RELB: variants seen among roughly 807,000 people sequenced by gnomAD.
RELB encodes the protein RELB proto-oncogene, NF-kB subunit.
RELB carries 14 observed loss-of-function variants against 55.4 expected under a neutral mutation model. The ratio of observed to expected loss-of-function variants is 0.25; its 90% CI spans 0.17 to 0.40. The LOEUF (loss-of-function observed/expected upper bound fraction) is 0.40. Ranked by LOEUF, RELB falls within the 10% of genes least tolerant of loss-of-function variation. RELB has a pLI of 1.00. For synonymous variants in RELB, 409 were observed against 371.3 expected (o/e 1.10, Z -1.17); for missense variants, 669 against 830.7 (o/e 0.81, Z 2.39).
intron 9 of RELB, among the ~76,000 whole-genome samples, chr19:45,033,870 A>G (rs1185007859): frequency 1.3e-5 from 2 of 151,252 alleles, no homozygotes; most frequent in Non-Finnish European, 3.0e-5. Context: ...AAAAAAAAAA[A>G]TAGGCCTGGC....
chr19:45,001,575 C>A lies in RELB; in HGVS notation c.-5C>A. 6.9e-7 allele frequency: 1 copy of A among 1,450,640 alleles called. No homozygotes were observed. Among genetic ancestry groups the A allele is most frequent in the Non-Finnish European group, 9.0e-7 (1 of 1,105,370 alleles). 89.9% of individuals were successfully genotyped at this position (1,450,640 alleles called of 1,614,324 possible). On this transcript the variant is annotated 5_prime_UTR_variant, in exon 1 of 12. Transcript: ENST00000221452. ...GCCTCCCGGCCGCCCGGCCGGCCCG[C>A]GTGCATGCTTCGGTCTGGGCCAGCC...
Position 45,025,254 on chromosome 19 carries a change from C to G in RELB, c.663-75C>G, listed in dbSNP as rs1971543394. ...GCCTGAGCCCCACAGCAGCATCTGC[C>G]AGAGCCCTCCTGCAGGTTAGGGCCA... On this transcript the variant is annotated intron_variant, in intron 5 of 11. Transcript: ENST00000221452. 27 of 1,010,672 alleles carry G rather than the reference C, an allele frequency of 2.7e-5. No individual in the cohort carries two copies. In the South Asian group the frequency reaches 3.8e-4, roughly 14 times the overall value. 62.6% of individuals were successfully genotyped at this position (1,010,672 alleles called of 1,614,324 possible). A position where few individuals can be genotyped will look rare whatever the true frequency, so the allele number is the denominator to read the frequency against.
intron 4 of RELB, among the ~76,000 whole-genome samples, chr19:45,021,048 G>A (rs1316610097): frequency 1.3e-5 from 2 of 152,090 alleles, no homozygotes; most frequent in Admixed American, 1.3e-4. Flanking sequence ...GGTAGTGTGC[G>A]CCTGTAGTCC....
chr19:45,033,162 G>A (rs1465727857), intron 9 of RELB, among the ~76,000 whole-genome samples: 1 of 152,164 alleles, frequency 6.6e-6, no homozygotes, highest in Non-Finnish European at 1.5e-5. Flanking sequence ...CTGGAATGAA[G>A]TGCTCAAGGG....
chr19:45,031,224 G>A (rs1360743446), intron 8 of RELB, among the ~76,000 whole-genome samples: 1 of 150,966 alleles, frequency 6.6e-6, no homozygotes. Flanking sequence ...TTTTTTTTAA[G>A]AACCAGGCTC....
At chr19:45,017,692 G>A (rs1357490466) in intron 4 of RELB, among the ~76,000 whole-genome samples, 4 of 127,580 alleles carry the variant, frequency 3.1e-5, no homozygotes, top group African/African-American at 1.2e-4. Flanking sequence ...ACAGAGTTTT[G>A]CTCTTGTTGC....
At chr19:45,008,731 T>C (rs1971313767) in intron 2 of RELB, 3 of 333,352 alleles carry the variant, frequency 9.0e-6, no homozygotes, top group South Asian at 6.8e-5. Flanking sequence ...GGTTCGCGTC[T>C]ATAAATCCCC....
chr19:45,033,315 C>A lies in RELB; in HGVS notation c.1207+566C>A, dbSNP rs144064166. 4.7e-3 allele frequency among the ~76,000 whole-genome samples: 719 copies of A among 152,222 alleles called. 23 individuals carry two copies. Among genetic ancestry groups the A allele is most frequent in the Admixed American group, 0.039 (593 of 15,268 alleles). On this transcript the variant is annotated intron_variant, in intron 9 of 11. Coordinates refer to ENST00000221452, the MANE Select transcript of RELB (RefSeq NM_006509.4). ...AAATAGTGAGAGTGGAGGAAGAGTG[C>A]TTTAAACAGCTGGAACAGCAGGTGC...
intron 2 of RELB, among the ~76,000 whole-genome samples, chr19:45,006,955 GAA>G (rs961433718): frequency 1.0e-3 from 95 of 91,814 alleles, no homozygotes; most frequent in Middle Eastern, 5.6e-3. Flanking sequence ...AACTCCATCT[GAA>G]AAAAAAAAAA....
chr19:45,029,211 C>T (rs1411888878), intron 8 of RELB, among the ~76,000 whole-genome samples: 1 of 152,196 alleles, frequency 6.6e-6, no homozygotes, highest in Non-Finnish European at 1.5e-5. Flanking sequence ...GACAGAGACT[C>T]GTCTGTGGTG....
intron 2 of RELB, among the ~76,000 whole-genome samples, chr19:45,006,828 GCCTGTAATCCC>G (rs1971287930): frequency 2.6e-5 from 4 of 151,790 alleles, no homozygotes; most frequent in African/African-American, 9.7e-5. Context: ...GGGTGTGGTG[GCCTGTAATCCC>G]AGCTACTCAG....
chr19:45,002,098 G>T (rs958230784), intron 1 of RELB, among the ~76,000 whole-genome samples: 9 of 148,842 alleles, frequency 6.0e-5, no homozygotes, highest in African/African-American at 2.2e-4. Context: ...CCTACGCTGA[G>T]GGGTGAGGGG....
At chr19:45,001,706 G>A in intron 1 of RELB, 21 bp downstream of exon 1, 1 of 1,477,004 alleles carries the variant, frequency 6.8e-7, no homozygotes, top group Non-Finnish European at 9.1e-7. Context: ...CTGGGGTTCA[G>A]GAGAGGGGTC....
rs545965724 is a variant in RELB at position 45,006,153 on chromosome 19, T to C, written c.154+3157T>C. ...TGAAGAAACCTTGGGGTCAATGATA[T>C]TTAATAACAGGGTGGGGATACGAGA... On this transcript the variant is annotated intron_variant, in intron 2 of 11. Transcript: ENST00000221452. Among the ~76,000 whole-genome samples, 48 of 152,296 alleles carry C rather than the reference T, an allele frequency of 3.2e-4. 1 individual carries two copies. The highest frequency in any genetic ancestry group is 3.7e-4 in the Non-Finnish European group (25 of 68,020).
At chr19:45,024,593 A>G (rs1971535000) in intron 5 of RELB, among the ~76,000 whole-genome samples, 1 of 152,216 alleles carries the variant, frequency 6.6e-6, no homozygotes, top group South Asian at 2.1e-4. Flanking sequence ...CTCTGTCGCC[A>G]GGCTGAAGTG....
chr19:45,029,115 G>A (rs1971591771), intron 8 of RELB, 123 bp downstream of exon 8: 1 of 688,722 alleles, frequency 1.5e-6, no homozygotes, highest in East Asian at 2.7e-5. Flanking sequence ...CAGAGTGCAA[G>A]GGTCCAGAAC....
chr19:45,036,965 C>T (rs373308207), intron 11 of RELB, among the ~76,000 whole-genome samples: 64 of 151,180 alleles, frequency 4.2e-4, no homozygotes, highest in African/African-American at 1.5e-3. Context: ...TAGTCCCACA[C>T]GGATTCTCCT....
chr19:45,036,645 G>C (rs1299358050), intron 11 of RELB, among the ~76,000 whole-genome samples: 1 of 152,074 alleles, frequency 6.6e-6, no homozygotes, highest in East Asian at 1.9e-4. Context: ...AGCTGTGTGA[G>C]CCTTCCATTT....
chr19:45,009,874 C>T lies in RELB; in HGVS notation c.163+52C>T, dbSNP rs369958514. ...GGAGGCTGAGGGACCCAAGTGCCTA[C>T]AGAAGGGGGTCTTGGCCTTCCTTGT... On this transcript the variant is annotated intron_variant, in intron 3 of 11. Coordinates refer to ENST00000221452, the MANE Select transcript of RELB (RefSeq NM_006509.4). 602 of 1,542,298 alleles carry T rather than the reference C, an allele frequency of 3.9e-4. 1 individual carries two copies. In the African/African-American group the frequency reaches 7.4e-3, roughly 19 times the overall value.
Sources: gnomAD v4.1 joint callset for allele counts (sites outside exome capture counted in the v4.1 genomes callset) on GRCh38, gnomAD v4.1.1 for gene constraint, MANE v1.5 for transcripts, NCBI Gene and HGNC (gene_info 2026-07-23, HGNC 2026-07-21) for gene names.